The following MASP1 variants were observed in gnomAD, a reference collection of about 807,000 sequenced individuals.
MASP1 encodes the protein mannan-binding lectin serine protease 1.
Under a neutral mutation model 77.1 loss-of-function variants are expected in MASP1, and 59 were observed. The ratio of observed to expected loss-of-function variants is 0.77; its 90% CI spans 0.62 to 0.95. The LOEUF (loss-of-function observed/expected upper bound fraction) is 0.95. Among genes scored for constraint, MASP1 ranks in the 40% least tolerant of loss-of-function variants. MASP1 has a pLI of 0.00. For missense variants in MASP1, 885 were observed against 912.9 expected (o/e 0.97, Z 0.39); for synonymous variants, 362 against 354.5 (o/e 1.02, Z -0.24).
intron 1 of MASP1, among the ~76,000 whole-genome samples, chr3:187,288,295 TGA>T (rs1718017620): frequency 1.3e-5 from 2 of 152,184 alleles, no homozygotes; most frequent in Non-Finnish European, 2.9e-5. Context: ...GTTGGAAAGC[TGA>T]GTCAAAAAAC....
At chr3:187,251,122 C>T (rs535064901) in intron 7 of MASP1, among the ~76,000 whole-genome samples, 39 of 152,242 alleles carry the variant, frequency 2.6e-4, no homozygotes, top group African/African-American at 9.4e-4. Flanking sequence ...CCACACCTGG[C>T]TATTTTTTGT....
At chr3:187,246,632 C>A (rs1378287903) in intron 8 of MASP1, 2 of 986,136 alleles carry the variant, frequency 2.0e-6, no homozygotes, top group African/African-American at 3.5e-5. Flanking sequence ...CCTGTGATGT[C>A]CCACAGCACA....
chr3:187,220,492 C>CTTTTTTTTTTTTTTTTT (rs747532550), intron 15 of MASP1, among the ~76,000 whole-genome samples: 1 of 134,562 alleles, frequency 7.4e-6, no homozygotes, highest in Non-Finnish European at 1.5e-5. Context: ...TTTCTTTTTT[C>CTTTTTTTTTTTTTTTTT]TTTCTTTTTT....
At chr3:187,238,284 A>G (rs1486960459) in intron 10 of MASP1, among the ~76,000 whole-genome samples, 1 of 152,250 alleles carries the variant, frequency 6.6e-6, no homozygotes, top group Non-Finnish European at 1.5e-5. Context: ...AGATGGAAAC[A>G]TGGAAGTTCA....
At chr3:187,230,909 C>T (rs909383019), downstream of MASP1, among the ~76,000 whole-genome samples, 3 of 152,216 alleles carry the variant, frequency 2.0e-5, no homozygotes, top group East Asian at 1.9e-4. Context: ...CCAGAACACT[C>T]ATAACCCAAG....
In MASP1 at chr3:187,250,317, T is replaced by C. The variant is rs776459229; in HGVS notation, c.1024A>G (p.Met342Val). 77 of 1,612,724 alleles carry C rather than the reference T, an allele frequency of 4.8e-5. No homozygotes were observed. Among genetic ancestry groups the C allele is most frequent in the Non-Finnish European group, 6.4e-5 (76 of 1,178,888 alleles). ...GYKVLKDNVE[M>V]DTFQIECLKD... Reference sequence around the variant, plus strand: ...AGACACTCAATCTGGAATGTGTCCATCTCCACATTATCCTGGGAAGAGACA... The same window carrying C: ...AGACACTCAATCTGGAATGTGTCCACCTCCACATTATCCTGGGAAGAGACA... Residue 342 changes from methionine to valine, a missense_variant, in exon 8 of 11, where the codon ATG (methionine) becomes GTG (valine). Physicochemically the swap from Met to Val is conservative, Grantham distance 21 (BLOSUM62 1). Transcript: ENST00000296280.
At chr3:187,288,845 G>A (rs1718067096) in intron 1 of MASP1, among the ~76,000 whole-genome samples, 1 of 152,216 alleles carries the variant, frequency 6.6e-6, no homozygotes, top group Non-Finnish European at 1.5e-5. Context: ...TGTGTGGTAG[G>A]CAACTGGTCA....
Position 187,236,077 on chromosome 3 carries a change from G to T in MASP1, c.1794C>A (p.Pro598=). 1.2e-6 allele frequency: 2 copies of T among 1,614,034 alleles called. No homozygotes were observed. The highest frequency in any genetic ancestry group is 1.7e-6 in the Non-Finnish European group (2 of 1,180,038). The change falls in exon 11 of 11, where the codon CCC becomes CCA. Residue 598 remains proline, a synonymous_variant. Transcript: ENST00000296280. ...TGATGATCTCATCCACTGTCACATT[G>T]GGATTGGAGATGCCCCAGCCGGCCA... The part of the protein sequence containing the change: ...GLVAGWGISN[P]NVTVDEIISS...
At chr3:187,272,048 G>C (rs895937710) in intron 2 of MASP1, among the ~76,000 whole-genome samples, 12 of 150,108 alleles carry the variant, frequency 8.0e-5, no homozygotes, top group African/African-American at 3.0e-4. Flanking sequence ...CTCATGTCAG[G>C]GGACAGTTTT....
intron 4 of MASP1, among the ~76,000 whole-genome samples, 177 bp from the exon 5 acceptor site, chr3:187,257,037 C>G (rs903185966): frequency 6.6e-6 from 1 of 151,984 alleles, no homozygotes; most frequent in Admixed American, 6.6e-5. Context: ...AGTAATTTAC[C>G]GAGCTGAGAT....
At chr3:187,247,178 C>T in intron 8 of MASP1, 1 of 1,525,854 alleles carries the variant, frequency 6.6e-7, no homozygotes, top group Non-Finnish European at 8.8e-7. Context: ...GTAGCAGCTT[C>T]AACTGCTGAG....
chr3:187,282,957 A>G (rs762501798), intron 2 of MASP1, among the ~76,000 whole-genome samples: 8 of 152,350 alleles, frequency 5.3e-5, no homozygotes, highest in Non-Finnish European at 1.2e-4. Context: ...AGTTGCCTCA[A>G]GTAGACTACT....
chr3:187,248,167 T>C (rs1013988707), intron 8 of MASP1, among the ~76,000 whole-genome samples: 7 of 152,110 alleles, frequency 4.6e-5, no homozygotes, highest in African/African-American at 1.7e-4. Flanking sequence ...GAGAATAGGG[T>C]CATATCAGGG....
chr3:187,223,980 T>C (rs1183189264), intron 13 of MASP1, among the ~76,000 whole-genome samples: 1 of 152,218 alleles, frequency 6.6e-6, no homozygotes, highest in South Asian at 2.1e-4. Flanking sequence ...AATAAGTTAA[T>C]GAACATAAAG....
intron 8 of MASP1, among the ~76,000 whole-genome samples, chr3:187,245,327 C>T (rs997425012): frequency 2.0e-5 from 3 of 152,116 alleles, no homozygotes; most frequent in African/African-American, 7.2e-5. Context: ...TAACTTTGGT[C>T]CACCTGACCG....
rs1714477749 is a variant in MASP1, at chr3:187,250,433, C to T, written c.1012-104G>A. 4 of 858,568 alleles carry T rather than the reference C, an allele frequency of 4.7e-6. No individual in the cohort carries two copies. In the Admixed American group the frequency reaches 6.8e-5, roughly 15 times the overall value. The allele number at this position is 858,568 out of a possible 1,614,324, so 53.2% of individuals were successfully genotyped here. ...TCAAGCTCCACACGTGTCTTGATCT[C>T]GACTGAGATTTTCCACCCATGGGCT... On this transcript the variant is annotated intron_variant, in intron 7 of 10. Transcript: ENST00000296280.
chr3:187,233,404 C>T (rs559012616), downstream of MASP1, among the ~76,000 whole-genome samples: 15 of 152,294 alleles, frequency 9.8e-5, no homozygotes, highest in Admixed American at 7.2e-4. Context: ...CTGCCCCTTC[C>T]CTCCTATCTC....
At chr3:187,256,911 A>G in intron 4 of MASP1, 51 bp from the exon 5 acceptor site, 1 of 1,516,084 alleles carries the variant, frequency 6.6e-7, no homozygotes, top group Non-Finnish European at 9.2e-7. Flanking sequence ...CAGCCATAGC[A>G]AGCCTGGCTT....
At chr3:187,261,780 TA>T in intron 3 of MASP1, among the ~76,000 whole-genome samples, 1 of 152,164 alleles carries the variant, frequency 6.6e-6, no homozygotes, top group Non-Finnish European at 1.5e-5. Context: ...AGAAGGTTCA[TA>T]AAAACTTTGT....
Sources: gnomAD v4.1 joint callset for allele counts (sites outside exome capture counted in the v4.1 genomes callset) on GRCh38, gnomAD v4.1.1 for gene constraint, MANE v1.5 for transcripts, NCBI Gene and HGNC (gene_info 2026-07-23, HGNC 2026-07-21) for gene names.